Variants in ONECUT3 observed in about 807,000 individuals in gnomAD.
The protein encoded by ONECUT3 is one cut homeobox 3, also known as one cut domain family member 3.
Under a neutral mutation model 16.8 loss-of-function variants are expected in ONECUT3, and 11 were observed. That is an observed-to-expected ratio of 0.66 (90% confidence interval 0.41 to 1.09). The LOEUF is 1.09. ONECUT3 is among the 50% of genes least tolerant of loss of function. The pLI, the probability that ONECUT3 is intolerant of heterozygous loss-of-function variation, is 0.00. For synonymous variants in ONECUT3, 344 were observed against 310.7 expected, an observed-to-expected ratio of 1.11 and a Z score of -1.13; for missense variants, 637 against 629.9, an observed-to-expected ratio of 1.01 and a Z score of -0.12.
rs888316266 is a variant in ONECUT3 at position 1,766,996 on chromosome 19, C to T, written c.1193-8157C>T. ...AGAGGAGGGGCCCCGGGCTCCGCTG[C>T]GGGGGGAGGGAGGGACTTCCTGGGG... is the stretch of plus-strand genomic sequence containing the variant. On this transcript the variant is annotated intron_variant, in intron 1 of 1. Coordinates refer to ENST00000382349, the MANE Select transcript of ONECUT3 (RefSeq NM_001080488.2). This position sits in a 1 kb window ranked among gnomAD's most constrained non-coding sequence, Gnocchi z 4.0. Among the ~76,000 whole-genome samples, 6 of 150,740 alleles carry T rather than the reference C, an allele frequency of 4.0e-5. No homozygotes were observed. Among genetic ancestry groups the T allele is most frequent in the East Asian group, 2.0e-4 (1 of 4,960 alleles).
rs2067951579 is a variant in ONECUT3 at position 1,762,519 on chromosome 19, G to A, written c.1192+7665G>A. ...CGTCCCGCAGCACCCGGGAAGCTGCGGAGTCGGGCTGGGGCCGCCGCGTTG... is the reference window on the plus strand; with the variant it reads ...CGTCCCGCAGCACCCGGGAAGCTGCAGAGTCGGGCTGGGGCCGCCGCGTTG... On this transcript the variant is annotated intron_variant, in intron 1 of 1. Transcript: ENST00000382349. This position sits in a 1 kb window ranked among gnomAD's most constrained non-coding sequence, Gnocchi z 4.4. Among the ~76,000 whole-genome samples, 1 of 152,248 alleles carries A rather than the reference G, an allele frequency of 6.6e-6. No homozygotes were observed. The highest frequency in any genetic ancestry group is 2.1e-4 in the South Asian group (1 of 4,838).
At position 1,754,847 on chromosome 19, in the gene ONECUT3, C is replaced by A; in HGVS notation, c.1185C>A (p.Arg395=). The change falls in exon 1 of 2, where the codon CGC becomes CGA. Residue 395 remains arginine (R), a synonymous_variant. Transcript: ENST00000382349. This position sits in a 1 kb window ranked among gnomAD's most constrained non-coding sequence, Gnocchi z 7.4. ...AGTTCCAGCGCATGTCGGCGCTGCG[C>A]TTGGCAGGTAGGAGCGTGGCGCGCA... is the stretch of plus-strand genomic sequence containing the variant. ...EPEFQRMSAL[R]LAACKRKEQE... 1 of 1,496,338 alleles carries A rather than the reference C, an allele frequency of 6.7e-7. No homozygotes were observed. Among genetic ancestry groups the A allele is most frequent in the Non-Finnish European group, 8.9e-7 (1 of 1,118,120 alleles). The allele number at this position is 1,496,338 out of a possible 1,614,324, so 92.7% of individuals were successfully genotyped here.
rs116543148 is a variant in ONECUT3 at position 1,779,872 on chromosome 19, G to C, written c.*4427G>C. ...GTAGCCGGGTCTCCTCCACCTGCCT[G>C]TCCATCTCCACCCGAGATGCCACCT... On this transcript the variant is annotated 3_prime_UTR_variant, in exon 2 of 2. Coordinates refer to ENST00000382349, the MANE Select transcript of ONECUT3 (RefSeq NM_001080488.2). 1.6e-4 allele frequency: 24 copies of C among 152,152 alleles called. No individual in the cohort carries two copies. Among genetic ancestry groups the C allele is most frequent in the African/African-American group, 5.3e-4 (22 of 41,462 alleles). The allele number at this position is 152,152 out of a possible 1,614,324, so 9.4% of individuals were successfully genotyped here.
At chr19:1,769,216 G>A (rs2068030756) in intron 1 of ONECUT3, among the ~76,000 whole-genome samples, 1 of 151,812 alleles carries the variant, frequency 6.6e-6, no homozygotes, top group Non-Finnish European at 1.5e-5. Context: ...TGAAGGAAGA[G>A]GTGATGAAGG....
chr19:1,779,797 C>G lies in ONECUT3; in HGVS notation c.*4352C>G, dbSNP rs2068141525. The G allele has an allele frequency of 6.6e-6, 1 of 152,048 alleles. No homozygotes were observed. Among genetic ancestry groups the G allele is most frequent in the East Asian group, 1.9e-4 (1 of 5,156 alleles). The allele number at this position is 152,048 out of a possible 1,614,324, so 9.4% of individuals were successfully genotyped here. ...TCCTTTCTAAGGAACTGTGTCCAGCCGGGACAGGTGGACGGGGCCCCAGGT... is the reference window on the plus strand; with the variant it reads ...TCCTTTCTAAGGAACTGTGTCCAGCGGGGACAGGTGGACGGGGCCCCAGGT... On this transcript the variant is annotated 3_prime_UTR_variant, in exon 2 of 2. Coordinates refer to ENST00000382349, the MANE Select transcript of ONECUT3 (RefSeq NM_001080488.2).
chr19:1,779,985 C>T lies in ONECUT3; in HGVS notation c.*4540C>T, dbSNP rs1001746856. ...ACTCTGGTGTCATCGATATCTTAGA[C>T]CCCCCCAACCCCCCATCACCCGGTT... is the stretch of plus-strand genomic sequence containing the variant. On this transcript the variant is annotated 3_prime_UTR_variant, in exon 2 of 2. Transcript: ENST00000382349. 7.4e-6 allele frequency: 1 copy of T among 135,610 alleles called. No homozygotes were observed. Among genetic ancestry groups the T allele is most frequent in the Non-Finnish European group, 1.6e-5 (1 of 62,444 alleles). 8.4% of individuals were successfully genotyped at this position (135,610 alleles called of 1,614,324 possible). A position where few individuals can be genotyped will look rare whatever the true frequency, so the allele number is the denominator to read the frequency against.
intron 1 of ONECUT3, among the ~76,000 whole-genome samples, chr19:1,772,276 G>T (rs2068062438): frequency 1.3e-5 from 2 of 152,056 alleles, no homozygotes; most frequent in South Asian, 2.1e-4. Context: ...GCCTCCCAAA[G>T]TGCTGGGATT....
chr19:1,754,832 C>T lies in ONECUT3; in HGVS notation c.1170C>T (p.Arg390=). 6.6e-7 allele frequency: 1 copy of T among 1,525,388 alleles called. No individual in the cohort carries two copies. The highest frequency in any genetic ancestry group is 8.8e-7 in the Non-Finnish European group (1 of 1,134,526). The allele number at this position is 1,525,388 out of a possible 1,614,324, so 94.5% of individuals were successfully genotyped here. The change falls in exon 1 of 2, where the codon CGC becomes CGT. Residue 390 remains arginine, a synonymous_variant. Transcript: ENST00000382349. This position sits in a 1 kb window ranked among gnomAD's most constrained non-coding sequence, Gnocchi z 7.4. ...WKWLQEPEFQ[R]MSALRLAACK... ...GGCTGCAGGAGCCAGAGTTCCAGCG[C>T]ATGTCGGCGCTGCGCTTGGCAGGTA...
intron 1 of ONECUT3, among the ~76,000 whole-genome samples, chr19:1,765,286 C>T (rs369907663): frequency 2.6e-5 from 4 of 152,288 alleles, no homozygotes; most frequent in African/African-American, 9.6e-5. Context: ...GCCGTGCCGC[C>T]CCCAGCACTG....
chr19:1,763,790 C>T (rs11881895), intron 1 of ONECUT3, among the ~76,000 whole-genome samples: 4 of 151,060 alleles, frequency 2.6e-5, no homozygotes, highest in Non-Finnish European at 4.4e-5. Flanking sequence ...TTCTTCCCCC[C>T]GGCTCAGATC....
intron 1 of ONECUT3, among the ~76,000 whole-genome samples, chr19:1,770,600 G>C (rs1380941971): frequency 6.6e-6 from 1 of 152,194 alleles, no homozygotes; most frequent in Non-Finnish European, 1.5e-5. Flanking sequence ...ATAAATGAGT[G>C]AGTGAATGAA....
At chr19:1,768,932 G>A (rs1039743177) in intron 1 of ONECUT3, among the ~76,000 whole-genome samples, 6 of 151,928 alleles carry the variant, frequency 3.9e-5, no homozygotes, top group Non-Finnish European at 7.4e-5. Context: ...GGAGGTGAAG[G>A]TGGAGGAGGT....
At position 1,779,725 on chromosome 19, in the gene ONECUT3, G is replaced by C. The variant is rs2068141068; in HGVS notation, c.*4280G>C. 1 of 151,904 alleles carries C rather than the reference G, an allele frequency of 6.6e-6. No individual in the cohort carries two copies. Among genetic ancestry groups the C allele is most frequent in the Non-Finnish European group, 1.5e-5 (1 of 68,086 alleles). The allele number at this position is 151,904 out of a possible 1,614,324, so 9.4% of individuals were successfully genotyped here. ...GTTCCGTGTCGCATCTGTGTGTCTG[G>C]TGCCTGATCGGTGCTGTTCAGTGGT... is the stretch of plus-strand genomic sequence containing the variant. On this transcript the variant is annotated 3_prime_UTR_variant, in exon 2 of 2. Transcript: ENST00000382349.
At chr19:1,769,405 G>C (rs75971875) in intron 1 of ONECUT3, among the ~76,000 whole-genome samples, 7,087 of 152,094 alleles carry the variant, frequency 0.047, 533 homozygotes, top group African/African-American at 0.16. Context: ...TGGCAATGGT[G>C]GGCCCTGGCA....
In ONECUT3 at chr19:1,755,750, C is replaced by T. The variant is rs2067913255; in HGVS notation, c.1192+896C>T. On this transcript the variant is annotated intron_variant, in intron 1 of 1. Coordinates refer to ENST00000382349, the MANE Select transcript of ONECUT3 (RefSeq NM_001080488.2). The surrounding 1 kb of genome is among the most constrained non-coding windows in gnomAD (Gnocchi z 7.5). Reference sequence around the variant, plus strand: ...CTCTTCTCCCTGTCGGTCTCTCCGCCTCTGTCTCTGTCTCATACTCAGCCA... The same window carrying T: ...CTCTTCTCCCTGTCGGTCTCTCCGCTTCTGTCTCTGTCTCATACTCAGCCA... 6.6e-6 allele frequency among the ~76,000 whole-genome samples: 1 copy of T among 152,208 alleles called. No individual in the cohort carries two copies. Among genetic ancestry groups the T allele is most frequent in the South Asian group, 2.1e-4 (1 of 4,838 alleles).
intron 1 of ONECUT3, among the ~76,000 whole-genome samples, chr19:1,761,444 G>A (rs771473492): frequency 2.0e-5 from 3 of 152,214 alleles, no homozygotes; most frequent in African/African-American, 4.8e-5. Flanking sequence ...ACCCTGCCCC[G>A]TGGCTCCCCA....
rs1208778265 is a variant in ONECUT3, at chr19:1,778,370, C to T, written c.*2925C>T. The T allele has an allele frequency of 6.6e-6, 1 of 152,180 alleles. No individual in the cohort carries two copies. Among genetic ancestry groups the T allele is most frequent in the Admixed American group, 6.5e-5 (1 of 15,268 alleles). The allele number at this position is 152,180 out of a possible 1,614,324, so 9.4% of individuals were successfully genotyped here. On this transcript the variant is annotated 3_prime_UTR_variant, in exon 2 of 2. Transcript: ENST00000382349. ...CCTCCTGCCTCGGCCTCCAAAAGTG[C>T]TAGGATTACAGGTAGATAGACATTT...
In ONECUT3 at chr19:1,759,131, T is replaced by G. The variant is rs538173958; in HGVS notation, c.1192+4277T>G. Among the ~76,000 whole-genome samples the G allele has an allele frequency of 6.6e-6, 1 of 152,068 alleles. No individual in the cohort carries two copies. The highest frequency in any genetic ancestry group is 2.4e-5 in the African/African-American group (1 of 41,490). On this transcript the variant is annotated intron_variant, in intron 1 of 1. Coordinates refer to ENST00000382349, the MANE Select transcript of ONECUT3 (RefSeq NM_001080488.2). This position sits in a 1 kb window ranked among gnomAD's most constrained non-coding sequence, Gnocchi z 4.1. ...TGCTTTGCCCTTAAGCAGAACGAAGTGTCCTAGGGACAAAAACCAGAGCTG... is the reference window on the plus strand; with the variant it reads ...TGCTTTGCCCTTAAGCAGAACGAAGGGTCCTAGGGACAAAAACCAGAGCTG...
intron 1 of ONECUT3, 27 bp from the exon 2 acceptor site, chr19:1,775,126 G>GCCCCCCCCC: frequency 1.7e-6 from 2 of 1,143,894 alleles, no homozygotes; most frequent in Non-Finnish European, 2.4e-6. Context: ...TGTCCCGCTC[G>GCCCCCCCCC]CCCGCCCGCC....
Sources: gnomAD v4.1 joint callset for allele counts (sites outside exome capture counted in the v4.1 genomes callset) on GRCh38, gnomAD v4.1.1 for gene constraint, Gnocchi (gnomAD v3.1) non-coding constraint, MANE v1.5 for transcripts, NCBI Gene and HGNC (gene_info 2026-07-23, HGNC 2026-07-21) for gene names.